SLFNL1: variants seen among roughly 807,000 people sequenced by gnomAD.
SLFNL1 encodes the protein schlafen-like protein 1.
Under a neutral mutation model 32.5 loss-of-function variants are expected in SLFNL1, and 26 were observed. The observed-to-expected ratio is 0.80, with a 90% confidence interval of 0.59 to 1.11. The LOEUF (loss-of-function observed/expected upper bound fraction) is 1.11, where lower values mean the gene tolerates loss of function less well. SLFNL1 is among the 50% of genes least tolerant of loss of function. The pLI, the probability that SLFNL1 is intolerant of heterozygous loss-of-function variation, is 0.00. For synonymous variants in SLFNL1, 255 were observed against 242.2 expected (o/e 1.05, Z -0.49); for missense variants, 553 against 546.5 (o/e 1.01, Z -0.12).
At chr1:41,019,738 T>C (rs556123518) in intron 3 of SLFNL1, among the ~76,000 whole-genome samples, 1 of 152,328 alleles carries the variant, frequency 6.6e-6, no homozygotes, top group African/African-American at 2.4e-5. Flanking sequence ...TCCTGTCTTC[T>C]CTCACAGCTC....
chr1:41,016,645 G>A (rs530312853), intron 5 of SLFNL1: 31 of 168,424 alleles, frequency 1.8e-4, no homozygotes, highest in Non-Finnish European at 2.8e-4. Flanking sequence ...ACTCAAGATC[G>A]AGTGTGTTAA....
chr1:41,020,478 C>T lies in SLFNL1; in HGVS notation c.183G>A (p.Pro61=), dbSNP rs145193833. ...VGHLNPQFSV[P]VLACLLRDTL... ...TGTCTCGCAGCAGGCAGGCAAGCAC[C>T]GGCACTGAGAACTGGGGGTTCAGAT... Residue 61 remains proline, a synonymous_variant, in exon 3 of 6, where the codon CCG becomes CCA. Transcript: ENST00000302946. 1,040 of 1,613,428 alleles carry T rather than the reference C, an allele frequency of 6.4e-4. 5 individuals carry two copies. The Middle Eastern group carries it at 0.019, about 30-fold the overall frequency.
rs1256454838 is a variant in SLFNL1, at chr1:41,017,530, C to T, written c.957+105G>A. On this transcript the variant is annotated intron_variant, in intron 4 of 5. Transcript: ENST00000302946. The surrounding 1 kb of genome is among the most constrained non-coding windows in gnomAD (Gnocchi z 4.9). ...CCCCAGCCTCTTCTCCTGTGGCCCC[C>T]AGTCCCGTCCCTGCCCCAGCACTGC... 2 of 1,491,024 alleles carry T rather than the reference C, an allele frequency of 1.3e-6. No homozygotes were observed. The allele number at this position is 1,491,024 out of a possible 1,614,324, so 92.4% of individuals were successfully genotyped here. A position where few individuals can be genotyped will look rare whatever the true frequency, so the allele number is the denominator to read the frequency against.
At chr1:41,018,238 C>T in intron 3 of SLFNL1, 82 bp from the exon 4 acceptor site, 1 of 1,359,174 alleles carries the variant, frequency 7.4e-7, no homozygotes, top group South Asian at 1.6e-5. Context: ...CAAGAACCCC[C>T]AGTCAGGCCC....
rs1009268933 is a variant in SLFNL1 at position 41,017,990 on chromosome 1, A to G, written c.602T>C (p.Ile201Thr). ...CTTGCCCACGATCTGCTGGTGCACAATGGCACTGTCGGAGCACACGCCGCT... is the reference window on the plus strand; with the variant it reads ...CTTGCCCACGATCTGCTGGTGCACAGTGGCACTGTCGGAGCACACGCCGCT... ...RPSGVCSDSA[I>T]VHQQIVGKDQ... Residue 201 changes from isoleucine to threonine, a missense_variant, in exon 4 of 6, where the codon ATT becomes ACT. By Grantham distance (89) the Ile-to-Thr change is moderately conservative (BLOSUM62 -1). Transcript: ENST00000302946. The surrounding 1 kb of genome is among the most constrained non-coding windows in gnomAD (Gnocchi z 4.9). 8 of 1,609,450 alleles carry G rather than the reference A, an allele frequency of 5.0e-6. No homozygotes were observed. Among genetic ancestry groups the G allele is most frequent in the Non-Finnish European group, 6.8e-6 (8 of 1,178,582 alleles).
In SLFNL1 at chr1:41,015,847, A is replaced by G; in HGVS notation, c.*259T>C. ...ATCCCTTATAGCTTAGCCCTAGGGG[A>G]GCTCTGGGCAGGGTTTTACACATTC... On this transcript the variant is annotated 3_prime_UTR_variant, in exon 6 of 6. Coordinates refer to ENST00000302946, the MANE Select transcript of SLFNL1 (RefSeq NM_144990.4). 1 of 367,812 alleles carries G rather than the reference A, an allele frequency of 2.7e-6. No homozygotes were observed. The highest frequency in any genetic ancestry group is 4.9e-6 in the Non-Finnish European group (1 of 204,286). 22.8% of individuals were successfully genotyped at this position (367,812 alleles called of 1,614,324 possible). A position where few individuals can be genotyped will look rare whatever the true frequency, so the allele number is the denominator to read the frequency against.
intron 3 of SLFNL1, among the ~76,000 whole-genome samples, chr1:41,019,742 A>T (rs1052370861): frequency 3.3e-5 from 5 of 152,168 alleles, no homozygotes; most frequent in African/African-American, 1.2e-4. Context: ...GTCTTCTCTC[A>T]CAGCTCTGAG....
At position 41,016,073 on chromosome 1, in the gene SLFNL1, G is replaced by C; in HGVS notation, c.*33C>G. The stretch of plus-strand genomic sequence containing the variant: ...GAAATCCCTGGGTCTCAGGTGGAGA[G>C]TGCCGTGCCGTCCTGCCTGCTCCCC... On this transcript the variant is annotated 3_prime_UTR_variant, in exon 6 of 6. Transcript: ENST00000302946. 1 of 1,598,794 alleles carries C rather than the reference G, an allele frequency of 6.3e-7. No homozygotes were observed. Among genetic ancestry groups the C allele is most frequent in the Non-Finnish European group, 8.5e-7 (1 of 1,171,338 alleles).
chr1:41,016,306 G>A (rs1643318785), intron 5 of SLFNL1, 78 bp from the exon 6 acceptor site: 8 of 1,555,544 alleles, frequency 5.1e-6, no homozygotes, highest in Admixed American at 1.9e-5. Context: ...GGGCCAAACT[G>A]AGGGAGGAAG....
chr1:41,018,457 TG>T, intron 3 of SLFNL1: 1 of 337,572 alleles, frequency 3.0e-6, no homozygotes, highest in Admixed American at 4.5e-5. Context: ...CAGGGCTGGG[TG>T]CTGGGACATG....
Position 41,017,671 on chromosome 1 carries a change from A to G in SLFNL1, c.921T>C (p.Pro307=), listed in dbSNP as rs1360016279. 6.4e-7 allele frequency: 1 copy of G among 1,553,978 alleles called. No individual in the cohort carries two copies. Residue 307 remains proline, a synonymous_variant, in exon 4 of 6, where the codon CCT becomes CCC. Coordinates refer to ENST00000302946, the MANE Select transcript of SLFNL1 (RefSeq NM_144990.4). The surrounding 1 kb of genome is among the most constrained non-coding windows in gnomAD (Gnocchi z 4.9). ...FPDAYTLTFI[P]VISTSETSVP... Reference sequence around the variant, plus strand: ...CGCTGGTCTCCGAGGTACTGATCACAGGGATGAAGGTGAGAGTGTAGGCAT... The same window carrying G: ...CGCTGGTCTCCGAGGTACTGATCACGGGGATGAAGGTGAGAGTGTAGGCAT...
At chr1:41,019,474 C>A (rs1477557706) in intron 3 of SLFNL1, among the ~76,000 whole-genome samples, 2 of 152,290 alleles carry the variant, frequency 1.3e-5, no homozygotes, top group East Asian at 3.9e-4. Flanking sequence ...GCCTTGGTGA[C>A]CTGGCCCCTA....
At chr1:41,016,445 G>A (rs1237375934) in intron 5 of SLFNL1, 6 of 623,448 alleles carry the variant, frequency 9.6e-6, no homozygotes, top group Non-Finnish European at 1.6e-5. Context: ...AGCCTCCTCC[G>A]TGCTGGGCAG....
intron 3 of SLFNL1, among the ~76,000 whole-genome samples, chr1:41,019,412 G>A (rs560659099): frequency 6.6e-6 from 1 of 152,054 alleles, no homozygotes; most frequent in South Asian, 2.1e-4. Flanking sequence ...CTATCCTAAC[G>A]TCCCATGTCC....
At position 41,016,159 on chromosome 1, in the gene SLFNL1, G is replaced by A. The variant is rs1643301806; in HGVS notation, c.1171C>T (p.Gln391Ter). Residue 391 changes from glutamine (Q) to a stop codon, truncating the protein, a stop_gained, in exon 6 of 6, where the codon CAG (glutamine) becomes TAG (stop). Coordinates refer to ENST00000302946, the MANE Select transcript of SLFNL1 (RefSeq NM_144990.4). LOFTEE classifies it high-confidence loss of function. ...KALMMEKEQL[Q>*]QQLQQHGPVS... ...GGCCCGTGCTGCTGCAGCTGCTGCT[G>A]GAGCTGCTCCTTCTCCATCATCAGC... is the stretch of plus-strand genomic sequence containing the variant. 3 of 1,614,082 alleles carry A rather than the reference G, an allele frequency of 1.9e-6. No homozygotes were observed. The highest frequency in any genetic ancestry group is 2.2e-5 in the East Asian group (1 of 44,882).
chr1:41,015,949 A>G lies in SLFNL1; in HGVS notation c.*157T>C. 1 of 989,922 alleles carries G rather than the reference A, an allele frequency of 1.0e-6. No homozygotes were observed. Among genetic ancestry groups the G allele is most frequent in the Non-Finnish European group, 1.5e-6 (1 of 678,504 alleles). 61.3% of individuals were successfully genotyped at this position (989,922 alleles called of 1,614,324 possible). Reference sequence around the variant, plus strand: ...ACACAGATGGGTCTGTCAGGGTTGAAGCCACATGGGTGCCTGCTCATGTGC... The same window carrying G: ...ACACAGATGGGTCTGTCAGGGTTGAGGCCACATGGGTGCCTGCTCATGTGC... On this transcript the variant is annotated 3_prime_UTR_variant, in exon 6 of 6. Coordinates refer to ENST00000302946, the MANE Select transcript of SLFNL1 (RefSeq NM_144990.4).
At position 41,015,953 on chromosome 1, in the gene SLFNL1, A is replaced by G; in HGVS notation, c.*153T>C. 9.5e-7 allele frequency: 1 copy of G among 1,049,686 alleles called. No homozygotes were observed. The allele number at this position is 1,049,686 out of a possible 1,614,324, so 65.0% of individuals were successfully genotyped here. ...AGATGGGTCTGTCAGGGTTGAAGCC[A>G]CATGGGTGCCTGCTCATGTGCCATG... On this transcript the variant is annotated 3_prime_UTR_variant, in exon 6 of 6. Coordinates refer to ENST00000302946, the MANE Select transcript of SLFNL1 (RefSeq NM_144990.4).
In SLFNL1 at chr1:41,017,882, A is replaced by T. The variant is rs761321171; in HGVS notation, c.710T>A (p.Leu237Gln). The change falls in exon 4 of 6, where the codon CTG becomes CAG. Residue 237 changes from leucine to glutamine, a missense_variant. By Grantham distance (113) the Leu-to-Gln change is moderately radical (BLOSUM62 -2). Coordinates refer to ENST00000302946, the MANE Select transcript of SLFNL1 (RefSeq NM_144990.4). The surrounding 1 kb of genome is among the most constrained non-coding windows in gnomAD (Gnocchi z 4.9). ...FKRGSGEYLS[L>Q]AFKHHVRRYV... ...GCGCCGCACGTGGTGCTTGAAGGCC[A>T]GGCTGAGGTACTCGCCGCTACCCCG... 17 of 1,608,472 alleles carry T rather than the reference A, an allele frequency of 1.1e-5. No individual in the cohort carries two copies. Among genetic ancestry groups the T allele is most frequent in the Non-Finnish European group, 1.3e-5 (15 of 1,176,080 alleles).
Position 41,017,745 on chromosome 1 carries a change from G to C in SLFNL1, c.847C>G (p.Leu283Val), listed in dbSNP as rs752468552. The C allele has an allele frequency of 2.5e-6, 4 of 1,607,288 alleles. No individual in the cohort carries two copies. The South Asian group carries it at 4.4e-5, about 18-fold the overall frequency. Residue 283 changes from leucine to valine, a missense_variant, in exon 4 of 6, where the codon CTG (leucine) becomes GTG (valine). Leu to Val is a conservative substitution (Grantham distance 32). Transcript: ENST00000302946. The surrounding 1 kb of genome is among the most constrained non-coding windows in gnomAD (Gnocchi z 4.9). ...CCCTGCAGGATGGAGTCCACCAGCA[G>C]GCGTGCGCGGTCCTCGTCACGGTGG... The part of the protein sequence containing the change: ...CSHRDEDRAR[L>V]LVDSILQGFK...
Sources: gnomAD v4.1 joint callset for allele counts (sites outside exome capture counted in the v4.1 genomes callset) on GRCh38, gnomAD v4.1.1 for gene constraint, Gnocchi (gnomAD v3.1) non-coding constraint, MANE v1.5 for transcripts, NCBI Gene and HGNC (gene_info 2026-07-23, HGNC 2026-07-21) for gene names.